Variants in ART3 observed in about 807,000 individuals in gnomAD.
ART3 encodes ecto-ADP-ribosyltransferase 3.
A neutral mutation model predicts 48.5 loss-of-function variants in ART3; 49 were observed. The ratio of observed to expected loss-of-function variants is 1.01; its 90% CI spans 0.80 to 1.28. ART3 has a LOEUF of 1.28. Among genes scored for constraint, ART3 ranks in the 50% most tolerant of loss-of-function variants. The pLI, the probability that ART3 is intolerant of heterozygous loss-of-function variation, is 0.00. For synonymous variants in ART3, 145 were observed against 157.2 expected (o/e 0.92, Z 0.58); for missense variants, 438 against 454.3 (o/e 0.96, Z 0.33).
intron 1 of ART3, among the ~76,000 whole-genome samples, chr4:76,038,076 AATTGTG>A (rs1243738907): frequency 6.6e-6 from 1 of 151,270 alleles, no homozygotes; most frequent in Non-Finnish European, 1.5e-5. Context: ...ATAAGTTTTA[AATTGTG>A]CACTTTTCTG....
At chr4:76,096,102 T>C (rs1578552086) in intron 3 of ART3, among the ~76,000 whole-genome samples, 1 of 152,174 alleles carries the variant, frequency 6.6e-6, no homozygotes, top group Non-Finnish European at 1.5e-5. Flanking sequence ...TTTGTATTTT[T>C]AGTGGAGACG....
intron 1 of ART3, among the ~76,000 whole-genome samples, chr4:76,019,807 T>C (rs1732617402): frequency 6.6e-6 from 1 of 151,812 alleles, no homozygotes; most frequent in Non-Finnish European, 1.5e-5. Flanking sequence ...ATATACATAG[T>C]AGTAGAATTG....
In ART3 at chr4:76,104,522, C is replaced by T. The variant is rs572918155; in HGVS notation, c.971-75C>T. On this transcript the variant is annotated intron_variant, in intron 9 of 11. Transcript: ENST00000355810. ...GCCTTGGGTGCTTGCATCTCTTAAG[C>T]TCAGCAGACAAGAGTTTGAAAATTA... 2.6e-6 allele frequency: 4 copies of T among 1,549,210 alleles called. No homozygotes were observed. In the East Asian group the frequency reaches 9.8e-5, roughly 38 times the overall value.
intron 2 of ART3, among the ~76,000 whole-genome samples, chr4:76,081,125 C>T (rs933594065): frequency 2.0e-5 from 3 of 152,312 alleles, no homozygotes; most frequent in East Asian, 1.9e-4. Context: ...AGTATGTTTT[C>T]GGGTCCTCAT....
chr4:76,034,897 G>A, intron 1 of ART3: 2 of 1,401,764 alleles, frequency 1.4e-6, no homozygotes, highest in Non-Finnish European at 2.0e-6. Flanking sequence ...TAGTAAGAAG[G>A]GGAAGCTGTT....
At chr4:76,084,703 G>A (rs936559562) in intron 3 of ART3, among the ~76,000 whole-genome samples, 1 of 152,186 alleles carries the variant, frequency 6.6e-6, no homozygotes, top group Non-Finnish European at 1.5e-5. Flanking sequence ...CACTCTCTCT[G>A]CAATCTATGA....
At chr4:76,093,190 G>T (rs11942837) in intron 3 of ART3, among the ~76,000 whole-genome samples, 18,576 of 152,154 alleles carry the variant, frequency 0.12, 1,497 homozygotes, top group African/African-American at 0.22. Flanking sequence ...GGGAGGCTGA[G>T]GCAGGAGGAT....
chr4:76,070,180 CTGTTCTTT>C (rs1449449260), upstream of ART3, among the ~76,000 whole-genome samples: 7 of 25,734 alleles, frequency 2.7e-4, no homozygotes, highest in East Asian at 0.038. Flanking sequence ...TAATGAATTC[CTGTTCTTT>C]TAAGTATAAT....
intron 1 of ART3, among the ~76,000 whole-genome samples, chr4:76,028,173 GA>G (rs1295188479): frequency 2.2e-5 from 2 of 90,930 alleles, no homozygotes; most frequent in African/African-American, 9.9e-5. Context: ...AAATCATTTA[GA>G]AAAAAAAAAT....
At chr4:76,110,669 C>G (rs1274531658) in intron 11 of ART3, among the ~76,000 whole-genome samples, 1 of 152,074 alleles carries the variant, frequency 6.6e-6, no homozygotes, top group Non-Finnish European at 1.5e-5. Context: ...TACATAAAAC[C>G]TAGCGTAGCA....
intron 10 of ART3, chr4:76,105,878 A>G: frequency 1.0e-6 from 1 of 985,440 alleles, no homozygotes. Context: ...AAATAGCATC[A>G]TCCAAGAACT....
rs1732562639 is a variant in ART3 at position 76,019,462 on chromosome 4, A to G, written c.-10+8142A>G. On this transcript the variant is annotated intron_variant, in intron 1 of 9. Transcript: ENST00000341029. Reference sequence around the variant, plus strand: ...GTACACTGAAGCTTGTTAAATAAAAAAAATTCAATCTGATAAAAAAGCAAT... The same window carrying G: ...GTACACTGAAGCTTGTTAAATAAAAGAAATTCAATCTGATAAAAAAGCAAT... Among the ~76,000 whole-genome samples the G allele has an allele frequency of 2.8e-5, 4 of 145,444 alleles. No homozygotes were observed. The South Asian group carries it at 9.2e-4, about 33-fold the overall frequency.
rs199665682 is a variant in ART3 at position 76,038,582 on chromosome 4, ATC to A, written c.-10+27264_-10+27265del. Among the ~76,000 whole-genome samples the A allele has an allele frequency of 4.2e-3, 636 of 152,292 alleles. 3 individuals are homozygous for A. The highest frequency in any genetic ancestry group is 0.015 in the African/African-American group (612 of 41,566). The stretch of plus-strand genomic sequence containing the variant: ...GTGTTCTTGGAGCTCATAAATCCTT[ATC>A]TGTTATTATTTTTTAATGTTGCTTT... On this transcript the variant is annotated intron_variant, in intron 1 of 9. Coordinates refer to the ART3 transcript ENST00000341029.
chr4:76,104,321 G>T, intron 9 of ART3: 1 of 971,314 alleles, frequency 1.0e-6, no homozygotes, highest in Non-Finnish European at 1.2e-6. Context: ...GTTAGTCTTG[G>T]CTAACATCTC....
intron 1 of ART3, among the ~76,000 whole-genome samples, chr4:76,050,849 GGGCTGGCACTGCT>G (rs1239838429): frequency 6.6e-6 from 1 of 152,196 alleles, no homozygotes; most frequent in Non-Finnish European, 1.5e-5. Context: ...CAGTGCCAGT[GGGCTGGCACTGCT>G]GGGGGACCCA....
intron 1 of ART3, among the ~76,000 whole-genome samples, chr4:76,032,683 C>G (rs1264401380): frequency 6.7e-6 from 1 of 149,874 alleles, no homozygotes; most frequent in Non-Finnish European, 1.5e-5. Flanking sequence ...CTCCCGGGTT[C>G]AAGCGATTCT....
At chr4:76,032,110 A>G (rs1354157094) in intron 1 of ART3, among the ~76,000 whole-genome samples, 3 of 152,332 alleles carry the variant, frequency 2.0e-5, no homozygotes, top group South Asian at 4.1e-4. Context: ...TTATTTTGCT[A>G]TGAAGAACTT....
intron 1 of ART3, among the ~76,000 whole-genome samples, chr4:76,047,212 G>A (rs1335853030): frequency 6.6e-6 from 1 of 151,934 alleles, no homozygotes; most frequent in African/African-American, 2.4e-5. Context: ...CAGGTGATTG[G>A]CCTGCTCCAT....
chr4:76,063,496 A>G (rs1719429226), intron 1 of ART3, among the ~76,000 whole-genome samples: 1 of 152,224 alleles, frequency 6.6e-6, no homozygotes, highest in African/African-American at 2.4e-5. Context: ...AAAGAAGCTT[A>G]TAATCTGTAG....
Sources: gnomAD v4.1 joint callset for allele counts (sites outside exome capture counted in the v4.1 genomes callset) on GRCh38, gnomAD v4.1.1 for gene constraint, MANE v1.5 for transcripts, NCBI Gene and HGNC (gene_info 2026-07-23, HGNC 2026-07-21) for gene names.